Variants in COA6 observed in about 807,000 individuals in gnomAD.
COA6 encodes cytochrome c oxidase assembly factor 6, also known as cytochrome c oxidase assembly factor 6 homolog.
A neutral mutation model predicts 17.1 loss-of-function variants in COA6; 12 were observed. The observed-to-expected ratio is 0.70, with a 90% CI of 0.45 to 1.14. COA6 has a LOEUF of 1.14. Among genes scored for constraint, COA6 ranks in the 50% most tolerant of loss-of-function variants. The pLI is 0.00. For missense variants in COA6, 246 were observed against 196.5 expected (o/e 1.25, Z -1.51); for synonymous variants, 90 against 73.4 (o/e 1.23, Z -1.16).
rs1558123256 is a variant in COA6, at chr1:234,373,589, G to A, written c.123G>A (p.Arg41=). 19 of 1,612,288 alleles carry A rather than the reference G, an allele frequency of 1.2e-5. No individual in the cohort carries two copies. The highest frequency in any genetic ancestry group is 1.6e-5 in the Non-Finnish European group (19 of 1,179,460). ...GGCGACCCTGCAGTGGCAGGACTCG[G>A]CACCGCGCCCTCCACCGCCGGTTGG... is the stretch of plus-strand genomic sequence containing the variant. ...PAGRPCSGRT[R]HRALHRRLVA... Residue 41 remains arginine (R), a synonymous_variant, in exon 1 of 3, where the codon CGG becomes CGA. Transcript: ENST00000366615.
chr1:234,377,133 T>G (rs7529606), intron 2 of COA6, among the ~76,000 whole-genome samples: 7 of 69,566 alleles, frequency 1.0e-4, no homozygotes, highest in Admixed American at 2.9e-4. Flanking sequence ...TTTTGTTTTT[T>G]TTGTTGTTGT....
chr1:234,383,064 G>GAGGGAAGGGAAGGGA (rs1659023695), intron 2 of COA6, among the ~76,000 whole-genome samples: 4 of 112,418 alleles, frequency 3.6e-5, no homozygotes. Flanking sequence ...GGGAGGGAGG[G>GAGGGAAGGGAAGGGA]AGGGAAGGGA....
chr1:234,375,768 C>T (rs1658773813), intron 2 of COA6, among the ~76,000 whole-genome samples: 1 of 152,176 alleles, frequency 6.6e-6, no homozygotes, highest in African/African-American at 2.4e-5. Flanking sequence ...ATCTTCCCGC[C>T]TAAACCTCCT....
Position 234,377,933 on chromosome 1 carries a change from C to T in COA6, c.372+3544C>T, listed in dbSNP as rs571659731. 1.5e-4 allele frequency among the ~76,000 whole-genome samples: 23 copies of T among 152,310 alleles called. No individual in the cohort carries two copies. The South Asian group carries it at 4.4e-3, about 29-fold the overall frequency. ...GTACCTATAAAACTCACCCGTAGAA[C>T]CGCAGAGCTGAGTGCAAGCTCTCTG... On this transcript the variant is annotated intron_variant, in intron 2 of 2. Coordinates refer to ENST00000366615, the MANE Select transcript of COA6 (RefSeq NM_001206641.3).
intron 2 of COA6, among the ~76,000 whole-genome samples, chr1:234,376,148 A>T (rs1256228689): frequency 6.6e-6 from 1 of 152,202 alleles, no homozygotes; most frequent in Non-Finnish European, 1.5e-5. Context: ...CATTAGACAG[A>T]TGCATTGAGA....
intron 1 of COA6, 200 bp from the exon 2 acceptor site, chr1:234,374,030 G>A (rs1269789578): frequency 8.7e-6 from 8 of 914,306 alleles, no homozygotes; most frequent in Non-Finnish European, 1.3e-5. Context: ...CCTCAAGAGC[G>A]GGTGGCCTTA....
chr1:234,383,066 G>GGGAA (rs1659024055), intron 2 of COA6, among the ~76,000 whole-genome samples: 1 of 144,206 alleles, frequency 6.9e-6, no homozygotes, highest in Non-Finnish European at 1.5e-5. Context: ...GAGGGAGGGA[G>GGGAA]GGAAGGGAAT....
At chr1:234,376,369 C>T (rs1170528754) in intron 2 of COA6, among the ~76,000 whole-genome samples, 1 of 152,156 alleles carries the variant, frequency 6.6e-6, no homozygotes, top group East Asian at 1.9e-4. Flanking sequence ...GGGTGCCATC[C>T]CCTGAGGCCC....
rs71170479 is a variant in COA6 at position 234,377,059 on chromosome 1, CGAGAGAGAGAGAGAGAGA to C, written c.372+2695_372+2712del. Among the ~76,000 whole-genome samples, 4 of 82,640 alleles carry C rather than the reference CGAGAGAGAGAGAGAGAGA, an allele frequency of 4.8e-5. 1 individual carries two copies. The highest frequency in any genetic ancestry group is 3.9e-4 in the South Asian group (1 of 2,556). The allele number at this position is 82,640 out of a possible 152,430, so 54.2% of individuals were successfully genotyped here. A position where few individuals can be genotyped will look rare whatever the true frequency, so the allele number is the denominator to read the frequency against. ...GACAGCTACCTTCTTGCTGTGTTGC[CGAGAGAGAGAGAGAGAGA>C]GAGAGAGAGAGAGAGAGAGAGAGAT... On this transcript the variant is annotated intron_variant, in intron 2 of 2. Coordinates refer to ENST00000366615, the MANE Select transcript of COA6 (RefSeq NM_001206641.3).
chr1:234,380,669 C>G (rs537145326), intron 2 of COA6, among the ~76,000 whole-genome samples: 1 of 152,212 alleles, frequency 6.6e-6, no homozygotes, highest in Non-Finnish European at 1.5e-5. Context: ...AGTTCTCTCT[C>G]GTACTCACAT....
rs1456719157 is a variant in COA6, at chr1:234,385,072, GA to G, written c.*1255del. 6.6e-6 allele frequency among the ~76,000 whole-genome samples: 1 copy of G among 152,156 alleles called. No homozygotes were observed. Among genetic ancestry groups the G allele is most frequent in the Non-Finnish European group, 1.5e-5 (1 of 68,040 alleles). ...TACTAAAAAATGCTAAAGATTCTCT[GA>G]GTCTTCAGCGAGTTGTCATCCTTTT... On this transcript the variant is annotated 3_prime_UTR_variant, in exon 3 of 3. Coordinates refer to ENST00000366615, the MANE Select transcript of COA6 (RefSeq NM_001206641.3).
intron 2 of COA6, among the ~76,000 whole-genome samples, chr1:234,375,133 CAAAAAAA>C (rs11341337): frequency 7.8e-6 from 1 of 128,454 alleles, no homozygotes; most frequent in Non-Finnish European, 1.6e-5. Flanking sequence ...ACTAAAAATA[CAAAAAAA>C]AAAAAAAAAA....
At chr1:234,380,097 GTTCT>G (rs1158874020) in intron 2 of COA6, among the ~76,000 whole-genome samples, 3 of 152,164 alleles carry the variant, frequency 2.0e-5, no homozygotes, top group Admixed American at 6.5e-5. Flanking sequence ...CTGCACCACT[GTTCT>G]TTCTTAGTTC....
In COA6 at chr1:234,383,552, ACAT is replaced by A. The variant is rs371406075; in HGVS notation, c.373-167_373-165del. On this transcript the variant is annotated intron_variant, in intron 2 of 2. Transcript: ENST00000366615. ...AAGTATAATAAAAAAAAAAAGAAAA[ACAT>A]CATTCATAGTTACAGCTGACACACA... is the stretch of plus-strand genomic sequence containing the variant. Among the ~76,000 whole-genome samples, 264 of 145,294 alleles carry A rather than the reference ACAT, an allele frequency of 1.8e-3. 2 individuals carry two copies. Among genetic ancestry groups the A allele is most frequent in the African/African-American group, 6.7e-3 (252 of 37,850 alleles).
At position 234,373,608 on chromosome 1, in the gene COA6, C is replaced by T. The variant is rs777107712; in HGVS notation, c.142C>T (p.Arg48Trp). 6.2e-6 allele frequency: 10 copies of T among 1,612,674 alleles called. No homozygotes were observed. In the East Asian group the frequency reaches 1.8e-4, roughly 29 times the overall value. The change falls in exon 1 of 3, where the codon CGG (arginine) becomes TGG (tryptophan). Residue 48 changes from arginine to tryptophan, a missense_variant. Physicochemically the swap from Arg to Trp is moderately radical, Grantham distance 101. Transcript: ENST00000366615. The stretch of plus-strand genomic sequence containing the variant: ...GACTCGGCACCGCGCCCTCCACCGC[C>T]GGTTGGTGGCCTGCGTGACAGTTTC... ...GRTRHRALHR[R>W]LVACVTVSSR...
In COA6 at chr1:234,374,222, G is replaced by A. The variant is rs746275670; in HGVS notation, c.213-8G>A. 6.2e-7 allele frequency: 1 copy of A among 1,604,296 alleles called. No homozygotes were observed. Among genetic ancestry groups the A allele is most frequent in the South Asian group, 1.1e-5 (1 of 90,084 alleles). ...ATTGTTAATCTCAAATATTATTTTGGCCAACAGCTTCATCGCAGTAGGAAT... is the reference window on the plus strand; with the variant it reads ...ATTGTTAATCTCAAATATTATTTTGACCAACAGCTTCATCGCAGTAGGAAT... On this transcript the variant is annotated splice_polypyrimidine_tract_variant and splice_region_variant and intron_variant, in intron 1 of 2. Coordinates refer to ENST00000366615, the MANE Select transcript of COA6 (RefSeq NM_001206641.3).
At chr1:234,380,701 A>G (rs1658947441) in intron 2 of COA6, among the ~76,000 whole-genome samples, 1 of 152,258 alleles carries the variant, frequency 6.6e-6, no homozygotes, top group Non-Finnish European at 1.5e-5. Flanking sequence ...AGCACTCATC[A>G]GTATGATGTG....
chr1:234,382,836 C>G lies in COA6; in HGVS notation c.373-887C>G, dbSNP rs558025462. Among the ~76,000 whole-genome samples the G allele has an allele frequency of 1.8e-4, 27 of 152,100 alleles. No homozygotes were observed. The South Asian group carries it at 5.6e-3, about 32-fold the overall frequency. On this transcript the variant is annotated intron_variant, in intron 2 of 2. Transcript: ENST00000366615. ...CCTGGCCAAGATGGCAAAACCCCAT[C>G]ACTACTAAAAATACAAAAAAAGTAG... is the stretch of plus-strand genomic sequence containing the variant.
At chr1:234,374,198 T>C in intron 1 of COA6, 32 bp from the exon 2 acceptor site, 2 of 1,591,856 alleles carry the variant, frequency 1.3e-6, no homozygotes, top group South Asian at 1.1e-5. Flanking sequence ...ACAAAGTTCA[T>C]TGTTAATCTC....
Sources: gnomAD v4.1 joint callset for allele counts (sites outside exome capture counted in the v4.1 genomes callset) on GRCh38, gnomAD v4.1.1 for gene constraint, MANE v1.5 for transcripts, NCBI Gene and HGNC (gene_info 2026-07-23, HGNC 2026-07-21) for gene names.